Variants in ABCA1 observed in about 807,000 individuals in gnomAD.
The protein encoded by ABCA1 is phospholipid-transporting ATPase ABCA1.
In ABCA1, 133 loss-of-function variants were observed where a neutral mutation model predicts 262.5. The observed-to-expected ratio is 0.51, with a 90% confidence interval of 0.44 to 0.59. ABCA1 has a LOEUF of 0.59. ABCA1 is among the 20% of genes least tolerant of loss of function. The pLI is 0.00. For synonymous variants in ABCA1, 1,022 were observed against 1,043.5 expected, an observed-to-expected ratio of 0.98 and a Z score of 0.40; for missense variants, 2,452 against 2,777.5, an observed-to-expected ratio of 0.88 and a Z score of 2.63.
At chr9:104,901,968 TTATC>T (rs1840703637) in intron 2 of ABCA1, among the ~76,000 whole-genome samples, 1 of 152,100 alleles carries the variant, frequency 6.6e-6, no homozygotes, top group African/African-American at 2.4e-5. Context: ...TAATATAATA[TTATC>T]TATTATACTT....
intron 18 of ABCA1, among the ~76,000 whole-genome samples, chr9:104,823,114 T>C (rs1832516095): frequency 6.6e-6 from 1 of 151,094 alleles, no homozygotes; most frequent in Non-Finnish European, 1.5e-5. Context: ...ATGGTTCCAT[T>C]TATGTAACAT....
At chr9:104,860,458 A>G (rs1285266281) in intron 6 of ABCA1, among the ~76,000 whole-genome samples, 1 of 152,218 alleles carries the variant, frequency 6.6e-6, no homozygotes, top group African/African-American at 2.4e-5. Context: ...CTAATTTTAA[A>G]AATTCTAGAT....
intron 24 of ABCA1, 81 bp from the exon 25 acceptor site, chr9:104,816,426 A>T: frequency 7.5e-7 from 1 of 1,333,420 alleles, no homozygotes; most frequent in East Asian, 2.3e-5. Flanking sequence ...CCACCCTCTC[A>T]TCAGAGGCCT....
At position 104,870,096 on chromosome 9, in the gene ABCA1, G is replaced by T. The variant is rs146906103; in HGVS notation, c.422-8296C>A. ...CAGGATATTTAGGCTTATGCTCCCT[G>T]AACCTTCCAAGGCATTAGGAAGCCA... On this transcript the variant is annotated intron_variant, in intron 5 of 49. Transcript: ENST00000374736. 2.6e-3 allele frequency among the ~76,000 whole-genome samples: 401 copies of T among 151,976 alleles called. 3 individuals carry two copies. The highest frequency in any genetic ancestry group is 3.4e-3 in the Non-Finnish European group (228 of 67,908).
At chr9:104,926,361 G>A (rs1429172079) in intron 1 of ABCA1, among the ~76,000 whole-genome samples, 3 of 150,014 alleles carry the variant, frequency 2.0e-5, no homozygotes, top group Admixed American at 1.3e-4. Context: ...TATACCTAAA[G>A]AGGCACCTAC....
At chr9:104,818,637 A>G (rs369742544) in intron 23 of ABCA1, 26 bp downstream of exon 23, 1 of 1,608,636 alleles carries the variant, frequency 6.2e-7, no homozygotes, top group Non-Finnish European at 8.5e-7. Context: ...ACCCAACACC[A>G]GCCCAGCACC....
At chr9:104,861,548 G>T (rs1836386961) in intron 6 of ABCA1, 131 bp downstream of exon 6, 2 of 1,315,986 alleles carry the variant, frequency 1.5e-6, no homozygotes, top group Non-Finnish European at 2.2e-6. Context: ...AAAATTAAGT[G>T]AAGTTGTATT....
chr9:104,792,844 T>C lies in ABCA1; in HGVS notation c.5699A>G (p.Gln1900Arg). ...DEDEDVRRER[Q>R]RILDGGGQND... ...CTGGCCTCCACCATCAAGAATTCTC[T>C]GTCTTTCCCGCCTCACATCTTCATC... Residue 1900 changes from glutamine (Q) to arginine (R), a missense_variant, in exon 42 of 50, where the codon CAG (glutamine) becomes CGG (arginine). Transcript: ENST00000374736. The C allele has an allele frequency of 6.2e-7, 1 of 1,614,184 alleles. No homozygotes were observed. The highest frequency in any genetic ancestry group is 8.5e-7 in the Non-Finnish European group (1 of 1,180,006).
intron 2 of ABCA1, among the ~76,000 whole-genome samples, chr9:104,902,801 T>C (rs1840772529): frequency 6.6e-6 from 1 of 152,176 alleles, no homozygotes; most frequent in Admixed American, 6.5e-5. Flanking sequence ...ATGATCATTT[T>C]GATTACAGAC....
intron 1 of ABCA1, among the ~76,000 whole-genome samples, chr9:104,906,890 C>T (rs1392627962): frequency 5.3e-5 from 8 of 152,158 alleles, no homozygotes; most frequent in Non-Finnish European, 7.3e-5. Context: ...ACAGTCATCC[C>T]AGTCAATAGG....
Position 104,828,914 on chromosome 9 carries a change from A to G in ABCA1, c.2115+2T>C. On this transcript the variant is annotated splice_donor_variant, in intron 15 of 49. Transcript: ENST00000374736. LOFTEE classifies it high-confidence loss of function. The stretch of plus-strand genomic sequence containing the variant: ...AGGGAAGAGCGAGTGAGGCTGCCTT[A>G]CCTTCAGGATGACCACTAGCAGGCC... 1 of 1,613,936 alleles carries G rather than the reference A, an allele frequency of 6.2e-7. No individual in the cohort carries two copies. The highest frequency in any genetic ancestry group is 8.5e-7 in the Non-Finnish European group (1 of 1,179,926).
chr9:104,837,202 C>A, intron 10 of ABCA1, 106 bp from the exon 11 acceptor site: 1 of 1,059,594 alleles, frequency 9.4e-7, no homozygotes, highest in Non-Finnish European at 1.4e-6. Context: ...CAGCCCTGTG[C>A]CAGTCCTCCC....
intron 1 of ABCA1, among the ~76,000 whole-genome samples, chr9:104,908,938 C>G (rs959311601): frequency 6.6e-6 from 1 of 152,122 alleles, no homozygotes; most frequent in Non-Finnish European, 1.5e-5. Flanking sequence ...CATGTGTATC[C>G]ATTTGTCAAA....
chr9:104,814,332 A>T, intron 26 of ABCA1, 95 bp downstream of exon 26: 1 of 1,561,208 alleles, frequency 6.4e-7, no homozygotes, highest in Non-Finnish European at 8.8e-7. Context: ...AGAATGCAAT[A>T]GAACAATTCA....
At chr9:104,868,685 C>T (rs1451481002) in intron 5 of ABCA1, among the ~76,000 whole-genome samples, 1 of 152,142 alleles carries the variant, frequency 6.6e-6, no homozygotes, top group East Asian at 1.9e-4. Context: ...CCAAGAGCTT[C>T]TGTAAAGTGG....
chr9:104,851,400 C>T (rs1011336247), intron 7 of ABCA1, among the ~76,000 whole-genome samples: 10 of 152,136 alleles, frequency 6.6e-5, no homozygotes, highest in African/African-American at 2.4e-4. Context: ...TCTCATCGTT[C>T]CTTCTCCCAT....
In ABCA1 at chr9:104,814,464, C is replaced by G; in HGVS notation, c.3750G>C (p.Lys1250Asn). ...CATCCACCCCACTCTCTTCGGCCAC[C>G]TTGAGGAATATCTGGAAAATGAGAG... ...SETTLEEIFL[K>N]VAEESGVDAE... is the part of the protein sequence containing the mutation. The change falls in exon 26 of 50, where the codon AAG becomes AAC. Residue 1250 changes from lysine to asparagine, a missense_variant. By Grantham distance (94) the Lys-to-Asn change is moderately conservative. Around this residue, in one of 4 missense-constraint regions of ABCA1, gnomAD observed 665 missense variants for 727.3 expected, o/e 0.91. Coordinates refer to ENST00000374736, the MANE Select transcript of ABCA1 (RefSeq NM_005502.4). 1 of 1,614,134 alleles carries G rather than the reference C, an allele frequency of 6.2e-7. No individual in the cohort carries two copies.
chr9:104,891,026 A>T (rs1839690910), intron 2 of ABCA1, among the ~76,000 whole-genome samples: 1 of 152,166 alleles, frequency 6.6e-6, no homozygotes, highest in African/African-American at 2.4e-5. Flanking sequence ...TTCATTTAAC[A>T]TCATACTGGG....
At chr9:104,913,058 CTTTG>C (rs1248534046) in intron 1 of ABCA1, among the ~76,000 whole-genome samples, 3 of 152,160 alleles carry the variant, frequency 2.0e-5, no homozygotes, top group African/African-American at 7.2e-5. Context: ...CCAAAGATCA[CTTTG>C]TTTGGATTAC....
Sources: allele counts gnomAD v4.1 joint callset (sites outside exome capture counted in the v4.1 genomes callset), GRCh38; gene constraint gnomAD v4.1.1; regional missense constraint gnomAD v4.1.1; transcripts MANE v1.5; gene names NCBI Gene and HGNC (gene_info 2026-07-23, HGNC 2026-07-21).